The following HOOK3 variants were observed in gnomAD, a reference collection of about 807,000 sequenced individuals.
The protein encoded by HOOK3 is protein Hook homolog 3.
HOOK3 carries 24 observed loss-of-function variants against 116.3 expected under a neutral mutation model. That is an observed-to-expected ratio of 0.21 (90% CI 0.15 to 0.29). HOOK3 has a LOEUF of 0.29. Ranked by LOEUF, HOOK3 falls within the 10% of genes least tolerant of loss-of-function variation. HOOK3 has a pLI of 1.00. For synonymous variants in HOOK3, 275 were observed against 283.0 expected (o/e 0.97, Z 0.28); for missense variants, 632 against 830.2 (o/e 0.76, Z 2.93).
At chr8:42,906,751 A>G (rs781467779) in intron 2 of HOOK3, among the ~76,000 whole-genome samples, 9 of 152,310 alleles carry the variant, frequency 5.9e-5, no homozygotes, top group Middle Eastern at 3.4e-3. Flanking sequence ...CATCTGCCCC[A>G]ACATCCCCAA....
rs1806993381 is a variant in HOOK3 at position 42,897,032 on chromosome 8, GGCC to G, written c.-99_-97del. 2 of 889,244 alleles carry G rather than the reference GGCC, an allele frequency of 2.2e-6. No homozygotes were observed. The highest frequency in any genetic ancestry group is 6.6e-5 in the East Asian group (2 of 30,088). The allele number at this position is 889,244 out of a possible 1,614,324, so 55.1% of individuals were successfully genotyped here. A position where few individuals can be genotyped will look rare whatever the true frequency, so the allele number is the denominator to read the frequency against. ...GGCGGCCGGATCCGAGGAGCAGGCG[GGCC>G]TGAGGCCGAGTCAGCTGCGCGGGCC... On this transcript the variant is annotated 5_prime_UTR_variant, in exon 1 of 22. Transcript: ENST00000307602.
At chr8:42,904,194 C>G (rs1027569559) in intron 1 of HOOK3, among the ~76,000 whole-genome samples, 1 of 151,960 alleles carries the variant, frequency 6.6e-6, no homozygotes, top group Non-Finnish European at 1.5e-5. Context: ...TCCCAGTATT[C>G]TCATTGTCTG....
intron 14 of HOOK3, among the ~76,000 whole-genome samples, chr8:42,983,333 CAA>C (rs1307077397): frequency 4.5e-4 from 25 of 55,838 alleles, no homozygotes; most frequent in Non-Finnish European, 4.1e-4. Context: ...GACTCTGTCT[CAA>C]AAAAAAAAAA....
At chr8:42,910,672 G>A (rs1319381363) in intron 2 of HOOK3, among the ~76,000 whole-genome samples, 19 of 152,172 alleles carry the variant, frequency 1.2e-4, no homozygotes, top group Admixed American at 1.2e-3. Flanking sequence ...ATTTTAAATA[G>A]TTGTATGATG....
At chr8:42,977,616 C>T (rs569898795) in intron 13 of HOOK3, among the ~76,000 whole-genome samples, 2 of 152,260 alleles carry the variant, frequency 1.3e-5, no homozygotes, top group African/African-American at 4.8e-5. Context: ...CCTGTGGTCC[C>T]AGCATTTTGG....
At chr8:42,897,469 G>C (rs1228107775) in intron 1 of HOOK3, among the ~76,000 whole-genome samples, 1 of 152,174 alleles carries the variant, frequency 6.6e-6, no homozygotes, top group Non-Finnish European at 1.5e-5. Context: ...GCTGCGCTCT[G>C]GGGGTGGCCG....
intron 3 of HOOK3, among the ~76,000 whole-genome samples, chr8:42,928,180 G>A (rs1296024285): frequency 6.6e-6 from 1 of 152,162 alleles, no homozygotes; most frequent in Non-Finnish European, 1.5e-5. Flanking sequence ...TCGGGAGGCT[G>A]AGGCAAGAGA....
rs574341201 is a variant in HOOK3 at position 43,029,750 on chromosome 8, T to C, written c.*11252T>C. The C allele has an allele frequency of 1.1e-3, 226 of 201,586 alleles. 3 individuals are homozygous for C. The South Asian group carries it at 0.037, about 33-fold the overall frequency. The allele number at this position is 201,586 out of a possible 1,614,324, so 12.5% of individuals were successfully genotyped here. A position where few individuals can be genotyped will look rare whatever the true frequency, so the allele number is the denominator to read the frequency against. On this transcript the variant is annotated 3_prime_UTR_variant, in exon 22 of 22. Transcript: ENST00000307602. Reference sequence around the variant, plus strand: ...TTGGGGATAGAAAGAGGCTTTTTTTTCCCCCTGTAGTATTTTTAAAACTTT... The same window carrying C: ...TTGGGGATAGAAAGAGGCTTTTTTTCCCCCCTGTAGTATTTTTAAAACTTT...
chr8:43,005,225 T>TTG (rs1554515800), intron 17 of HOOK3, among the ~76,000 whole-genome samples: 26 of 136,990 alleles, frequency 1.9e-4, no homozygotes, highest in African/African-American at 6.4e-4. Flanking sequence ...TTTTTTTTTT[T>TTG]TTTTTTTTTT....
chr8:42,916,923 T>C (rs1460737683), intron 2 of HOOK3, among the ~76,000 whole-genome samples: 1 of 152,190 alleles, frequency 6.6e-6, no homozygotes, highest in Non-Finnish European at 1.5e-5. Flanking sequence ...ATTTTGTGCT[T>C]CATCCTCTTC....
In HOOK3 at chr8:43,025,818, TACACACAGTAGCCCC is replaced by T. The variant is rs1255552597; in HGVS notation, c.*7326_*7340del. The T allele has an allele frequency of 5.7e-5, 12 of 210,680 alleles. No homozygotes were observed. The highest frequency in any genetic ancestry group is 2.7e-4 in the African/African-American group (12 of 44,042). 13.1% of individuals were successfully genotyped at this position (210,680 alleles called of 1,614,324 possible). A position where few individuals can be genotyped will look rare whatever the true frequency, so the allele number is the denominator to read the frequency against. On this transcript the variant is annotated 3_prime_UTR_variant, in exon 22 of 22. Transcript: ENST00000307602. The stretch of plus-strand genomic sequence containing the variant: ...GGCTCAATTTTATGTCCTTCTTACT[TACACACAGTAGCCCC>T]ACACAGTTTTGTTTTAAATGAAGGC...
intron 4 of HOOK3, among the ~76,000 whole-genome samples, chr8:42,941,281 C>T (rs1389579180): frequency 2.8e-4 from 41 of 147,816 alleles, no homozygotes; most frequent in Non-Finnish European, 5.6e-4. Flanking sequence ...TTTGGGAGGC[C>T]GAGGCGGGCG....
At chr8:43,012,413 A>G (rs951565134) in intron 19 of HOOK3, among the ~76,000 whole-genome samples, 10 of 152,326 alleles carry the variant, frequency 6.6e-5, no homozygotes, top group Non-Finnish European at 1.2e-4. Flanking sequence ...GACCACCATC[A>G]TATATGTGGT....
intron 1 of HOOK3, among the ~76,000 whole-genome samples, chr8:42,905,333 G>A (rs924036161): frequency 4.1e-5 from 6 of 146,366 alleles, no homozygotes; most frequent in African/African-American, 1.0e-4. Context: ...TTTGGGGGGG[G>A]GGGTGCCGTG....
At chr8:42,919,153 G>A (rs1206429110) in intron 2 of HOOK3, among the ~76,000 whole-genome samples, 2 of 151,176 alleles carry the variant, frequency 1.3e-5, no homozygotes, top group South Asian at 2.1e-4. Flanking sequence ...CAGACGGGGC[G>A]GCTGCCGGGC....
intron 9 of HOOK3, 64 bp downstream of exon 9, chr8:42,964,538 G>GTA: frequency 6.7e-7 from 1 of 1,488,682 alleles, no homozygotes; most frequent in Non-Finnish European, 9.2e-7. Context: ...AAAGTTAAGA[G>GTA]TATATTGGCC....
chr8:42,997,582 C>A lies in HOOK3; in HGVS notation c.1565C>A (p.Ser522Ter). 2 of 1,610,768 alleles carry A rather than the reference C, an allele frequency of 1.2e-6. No individual in the cohort carries two copies. The highest frequency in any genetic ancestry group is 2.2e-5 in the South Asian group (2 of 90,482). Residue 522 changes from serine to a stop codon, truncating the protein, a stop_gained, in exon 16 of 22, where the codon TCA becomes TAA. Coordinates refer to ENST00000307602, the MANE Select transcript of HOOK3 (RefSeq NM_032410.4). LOFTEE classifies it high-confidence loss of function. The part of the protein sequence containing the change: ...LVNQRLLEVQ[S>*]QVEELQKSLQ... The stretch of plus-strand genomic sequence containing the variant: ...AATCAAAGACTTCTGGAAGTACAGT[C>A]ACAAGTTGAAGAATTACAAAAATCT...
intron 15 of HOOK3, among the ~76,000 whole-genome samples, chr8:42,995,556 C>T (rs1809249058): frequency 6.6e-6 from 1 of 152,166 alleles, no homozygotes; most frequent in African/African-American, 2.4e-5. Flanking sequence ...GTCTTTTACA[C>T]TGTTTTTCAC....
chr8:43,005,457 C>T (rs755895738), intron 17 of HOOK3, among the ~76,000 whole-genome samples: 1 of 151,634 alleles, frequency 6.6e-6, no homozygotes. Context: ...CTCCTGACCT[C>T]GTGATCCGCC....
Sources: allele counts gnomAD v4.1 joint callset (sites outside exome capture counted in the v4.1 genomes callset), GRCh38; gene constraint gnomAD v4.1.1; transcripts MANE v1.5; gene names NCBI Gene and HGNC (gene_info 2026-07-23, HGNC 2026-07-21).